The following LUZP2 variants were observed in gnomAD, a reference collection of about 807,000 sequenced individuals.
The protein encoded by LUZP2 is leucine zipper protein 2.
In LUZP2, 52 loss-of-function variants were observed where a neutral mutation model predicts 51.6. That is an observed-to-expected ratio of 1.01 (90% CI 0.81 to 1.27). The LOEUF is 1.27. Among genes scored for constraint, LUZP2 ranks in the 50% most tolerant of loss-of-function variants. LUZP2 has a pLI of 0.00. For missense variants in LUZP2, 436 were observed against 395.4 expected, an observed-to-expected ratio of 1.10 and a Z score of -0.87; for synonymous variants, 154 against 137.3, an observed-to-expected ratio of 1.12 and a Z score of -0.85.
chr11:24,663,567 A>G (rs1449169515), intron 1 of LUZP2, among the ~76,000 whole-genome samples: 2 of 152,160 alleles, frequency 1.3e-5, no homozygotes, highest in African/African-American at 4.8e-5. Flanking sequence ...TAGTAAATGC[A>G]TTTTACAATT....
intron 5 of LUZP2, among the ~76,000 whole-genome samples, chr11:24,798,214 T>A (rs35023916): frequency 0.15 from 22,976 of 151,234 alleles, 1,941 homozygotes; most frequent in Middle Eastern, 0.25. Flanking sequence ...TTTTTTTTAT[T>A]ATTTATGTAT....
chr11:24,681,538 G>C (rs778227796), intron 1 of LUZP2, among the ~76,000 whole-genome samples: 2 of 152,116 alleles, frequency 1.3e-5, no homozygotes, highest in Non-Finnish European at 2.9e-5. Context: ...GAACGAAATA[G>C]ATATTAGATT....
chr11:24,866,113 TAC>T (rs60308723), intron 5 of LUZP2, among the ~76,000 whole-genome samples: 8,296 of 146,574 alleles, frequency 0.057, 267 homozygotes, highest in African/African-American at 0.089. Context: ...CTGCATTTCA[TAC>T]ACACACACAC....
intron 1 of LUZP2, among the ~76,000 whole-genome samples, chr11:24,527,011 G>T (rs1850828350): frequency 6.6e-6 from 1 of 151,264 alleles, no homozygotes; most frequent in Non-Finnish European, 1.5e-5. Context: ...ACTCTGTGAG[G>T]AATCCAATTT....
intron 1 of LUZP2, among the ~76,000 whole-genome samples, chr11:24,541,673 G>C (rs759164227): frequency 1.3e-5 from 2 of 152,058 alleles, no homozygotes; most frequent in Non-Finnish European, 2.9e-5. Context: ...TTTGGATGCA[G>C]GTTGGGGGAA....
In LUZP2 at chr11:25,042,311, A is replaced by T. The variant is rs560074001; in HGVS notation, c.766-7727A>T. ...TTATCCTCTTGGGAATTTTTATTCC[A>T]TCCATTTACAAAACAGTTAATTTAA... On this transcript the variant is annotated intron_variant, in intron 9 of 11. Transcript: ENST00000336930. 1.7e-4 allele frequency among the ~76,000 whole-genome samples: 26 copies of T among 152,244 alleles called. No individual in the cohort carries two copies. In the South Asian group the frequency reaches 4.6e-3, roughly 27 times the overall value.
At position 24,976,669 on chromosome 11, in the gene LUZP2, A is replaced by G. The variant is rs760804024; in HGVS notation, c.597+4A>G. The G allele has an allele frequency of 2.0e-6, 3 of 1,472,554 alleles. No individual in the cohort carries two copies. The highest frequency in any genetic ancestry group is 2.8e-6 in the Non-Finnish European group (3 of 1,083,252). The allele number at this position is 1,472,554 out of a possible 1,614,324, so 91.2% of individuals were successfully genotyped here. On this transcript the variant is annotated splice_donor_region_variant and intron_variant, in intron 8 of 11. Coordinates refer to ENST00000336930, the MANE Select transcript of LUZP2 (RefSeq NM_001009909.4). ...GGAGAAAGCAGCTCTTGACAGGGTA[A>G]GTCTACATTCATGAACCATTACAAC...
At chr11:24,887,130 G>A (rs1281939187) in intron 5 of LUZP2, among the ~76,000 whole-genome samples, 1 of 152,122 alleles carries the variant, frequency 6.6e-6, no homozygotes, top group Non-Finnish European at 1.5e-5. Flanking sequence ...GGAACGCTAT[G>A]GACCTTGTGT....
chr11:24,516,706 T>C (rs1481997418), intron 1 of LUZP2, among the ~76,000 whole-genome samples: 5 of 152,044 alleles, frequency 3.3e-5, no homozygotes, highest in Admixed American at 2.0e-4. Flanking sequence ...AGGGAAGAGG[T>C]CTTTCCTGGT....
chr11:24,738,318 C>A lies in LUZP2; in HGVS notation c.333+16C>A. The A allele has an allele frequency of 6.3e-7, 1 of 1,587,036 alleles. No homozygotes were observed. Among genetic ancestry groups the A allele is most frequent in the Non-Finnish European group, 8.6e-7 (1 of 1,157,484 alleles). On this transcript the variant is annotated intron_variant, in intron 4 of 11. Transcript: ENST00000336930. Reference sequence around the variant, plus strand: ...CCAGGCTACTGTAAGTGTGTTTCTTCTTTGTGCCTTTTGCTTTTGGGCTGG... The same window carrying A: ...CCAGGCTACTGTAAGTGTGTTTCTTATTTGTGCCTTTTGCTTTTGGGCTGG...
intron 7 of LUZP2, among the ~76,000 whole-genome samples, chr11:24,950,723 C>T (rs1370881085): frequency 6.6e-6 from 1 of 151,328 alleles, no homozygotes; most frequent in African/African-American, 2.4e-5. Context: ...GTTTTTTTTG[C>T]TTTTGTTTTT....
At chr11:24,855,370 T>G (rs529250012) in intron 5 of LUZP2, among the ~76,000 whole-genome samples, 1 of 152,202 alleles carries the variant, frequency 6.6e-6, no homozygotes, top group East Asian at 1.9e-4. Flanking sequence ...CCAATTCCAT[T>G]TATAATACCT....
rs1859607074 is a variant in LUZP2, at chr11:24,751,964, G to C, written c.334-11282G>C. On this transcript the variant is annotated intron_variant, in intron 4 of 11. Coordinates refer to ENST00000336930, the MANE Select transcript of LUZP2 (RefSeq NM_001009909.4). ...TGTTAACTGTAGACAATAGCCAGTA[G>C]TTAATAGGTAAAATAAAGAATACAC... 1.3e-5 allele frequency among the ~76,000 whole-genome samples: 2 copies of C among 152,066 alleles called. 1 individual carries two copies. Among genetic ancestry groups the C allele is most frequent in the South Asian group, 4.1e-4 (2 of 4,828 alleles).
rs550647884 is a variant in LUZP2, at chr11:25,031,369, C to T, written c.766-18669C>T. 6.7e-4 allele frequency among the ~76,000 whole-genome samples: 102 copies of T among 152,084 alleles called. No homozygotes were observed. The South Asian group carries it at 8.3e-3, about 12-fold the overall frequency. ...TCCACTATTTCTTCAGTAAATATTG[C>T]AAAATTATATTTTTCTTGAAATTTC... On this transcript the variant is annotated intron_variant, in intron 9 of 11. Transcript: ENST00000336930.
chr11:24,951,517 C>T (rs888908146), intron 7 of LUZP2, among the ~76,000 whole-genome samples: 8 of 151,604 alleles, frequency 5.3e-5, no homozygotes, highest in Admixed American at 3.3e-4. Flanking sequence ...TAAGCATTTA[C>T]GATTGTGTAA....
intron 7 of LUZP2, among the ~76,000 whole-genome samples, chr11:24,964,952 G>A (rs144151117): frequency 6.6e-6 from 1 of 151,664 alleles, no homozygotes; most frequent in Non-Finnish European, 1.5e-5. Context: ...GTAAGTAAAA[G>A]TTTCAGACAT....
chr11:24,781,012 G>A (rs1156811910), intron 5 of LUZP2, among the ~76,000 whole-genome samples: 1 of 152,120 alleles, frequency 6.6e-6, no homozygotes, highest in Non-Finnish European at 1.5e-5. Context: ...CAGTTGGAGT[G>A]TGATGCCAGA....
intron 9 of LUZP2, among the ~76,000 whole-genome samples, chr11:24,991,307 TG>T (rs1343079384): frequency 6.6e-6 from 1 of 151,486 alleles, no homozygotes; most frequent in Non-Finnish European, 1.5e-5. Flanking sequence ...ATTTATTCCT[TG>T]TTATGGCTGA....
chr11:24,718,535 G>T (rs118079155), intron 1 of LUZP2, among the ~76,000 whole-genome samples: 1 of 152,074 alleles, frequency 6.6e-6, no homozygotes, highest in Non-Finnish European at 1.5e-5. Flanking sequence ...TTGCATTATC[G>T]CATTTTTGGA....
Sources: allele counts gnomAD v4.1 joint callset (sites outside exome capture counted in the v4.1 genomes callset), GRCh38; gene constraint gnomAD v4.1.1; transcripts MANE v1.5; gene names NCBI Gene and HGNC (gene_info 2026-07-23, HGNC 2026-07-21).